The following LPP variants were observed in gnomAD, a reference collection of about 807,000 sequenced individuals.
The protein encoded by LPP is lipoma-preferred partner.
LPP carries 38 observed loss-of-function variants against 60.4 expected under a neutral mutation model. That is an observed-to-expected ratio of 0.63 (90% CI 0.49 to 0.83). The LOEUF (loss-of-function observed/expected upper bound fraction) is 0.83. Among genes scored for constraint, LPP ranks in the 40% least tolerant of loss-of-function variants. The pLI is 0.00. For missense variants in LPP, 902 were observed against 783.6 expected (o/e 1.15, Z -1.80); for synonymous variants, 328 against 290.8 (o/e 1.13, Z -1.30).
intron 1 of LPP, among the ~76,000 whole-genome samples, chr3:188,197,454 A>T (rs1729861100): frequency 6.6e-6 from 1 of 152,062 alleles, no homozygotes; most frequent in Non-Finnish European, 1.5e-5. Context: ...GCAGGCAGGC[A>T]CTCCGATCCT....
chr3:188,778,389 A>G (rs1389267047), intron 9 of LPP, among the ~76,000 whole-genome samples: 1 of 152,152 alleles, frequency 6.6e-6, no homozygotes, highest in African/African-American at 2.4e-5. Flanking sequence ...TTGTGAACTA[A>G]TTTTACTTCT....
chr3:188,708,115 A>G, intron 7 of LPP, 152 bp from the exon 8 acceptor site: 1 of 741,778 alleles, frequency 1.3e-6, no homozygotes, highest in East Asian at 2.6e-5. Context: ...TAGCCACTGA[A>G]TAAGTGATAA....
chr3:188,599,751 G>GGGGTGTGTGTGTGTGTGTGTGTGTGT (rs374294307), intron 6 of LPP, among the ~76,000 whole-genome samples: 1 of 139,828 alleles, frequency 7.2e-6, no homozygotes, highest in African/African-American at 2.7e-5. Flanking sequence ...ACTCGTTAGG[G>GGGGTGTGTGTGTGTGTGTGTGTGTGT]GTGTGTGTGT....
intron 4 of LPP, among the ~76,000 whole-genome samples, chr3:188,470,309 C>T (rs919884912): frequency 2.7e-5 from 4 of 148,286 alleles, no homozygotes; most frequent in African/African-American, 1.0e-4. Flanking sequence ...CACACACACA[C>T]ACACACACAC....
At chr3:188,757,871 T>TG (rs1730783100) in intron 8 of LPP, among the ~76,000 whole-genome samples, 1 of 140,554 alleles carries the variant, frequency 7.1e-6, no homozygotes, top group Non-Finnish European at 1.5e-5. Context: ...ACATTTTTTT[T>TG]GTGGTTTTGT....
At chr3:188,769,460 GTGGAT>G (rs1281575271) in intron 9 of LPP, among the ~76,000 whole-genome samples, 1 of 152,192 alleles carries the variant, frequency 6.6e-6, no homozygotes, top group Non-Finnish European at 1.5e-5. Flanking sequence ...AGACCTGTAA[GTGGAT>G]TGCCCAGAAC....
intron 6 of LPP, among the ~76,000 whole-genome samples, chr3:188,540,252 T>C (rs1415225050): frequency 6.6e-6 from 1 of 152,334 alleles, no homozygotes; most frequent in African/African-American, 2.4e-5. Flanking sequence ...ATCTTTGAGT[T>C]GGTATTATTT....
chr3:188,590,575 A>G (rs936159013), intron 6 of LPP, among the ~76,000 whole-genome samples: 2 of 151,598 alleles, frequency 1.3e-5, no homozygotes, highest in African/African-American at 4.9e-5. Context: ...CTGTGTTTAA[A>G]AAAATAAAAA....
At chr3:188,621,875 G>A (rs1845870530) in intron 7 of LPP, among the ~76,000 whole-genome samples, 1 of 152,056 alleles carries the variant, frequency 6.6e-6, no homozygotes. Context: ...AGCCAGGCTG[G>A]TCTCAAACTC....
intron 2 of LPP, among the ~76,000 whole-genome samples, chr3:188,309,022 C>CTTTTTTTTT (rs777945680): frequency 3.3e-5 from 4 of 119,718 alleles, no homozygotes; most frequent in Non-Finnish European, 6.7e-5. Context: ...TCTTCTTCTT[C>CTTTTTTTTT]TTTTTTTTTT....
intron 3 of LPP, among the ~76,000 whole-genome samples, chr3:188,379,504 A>G (rs1057166381): frequency 6.6e-6 from 1 of 152,194 alleles, no homozygotes; most frequent in Non-Finnish European, 1.5e-5. Flanking sequence ...GTCCCTCACC[A>G]AAAAACAAAC....
Position 188,594,286 on chromosome 3 carries a change from A to C in LPP, c.430-14875A>C, listed in dbSNP as rs557729230. 2.6e-5 allele frequency among the ~76,000 whole-genome samples: 4 copies of C among 152,344 alleles called. No homozygotes were observed. In the South Asian group the frequency reaches 8.3e-4, roughly 32 times the overall value. ...ATCTTGAAGGGGAAGGAACTGAGTCACACAGACAAGAATGTGCCTAAAGCA... is the reference window on the plus strand; with the variant it reads ...ATCTTGAAGGGGAAGGAACTGAGTCCCACAGACAAGAATGTGCCTAAAGCA... On this transcript the variant is annotated intron_variant, in intron 6 of 11. Coordinates refer to ENST00000617246, the MANE Select transcript of LPP (RefSeq NM_001375462.1).
At chr3:188,269,644 TATGTGTG>T (rs1736933398) in intron 2 of LPP, among the ~76,000 whole-genome samples, 1 of 31,358 alleles carries the variant, frequency 3.2e-5, no homozygotes, top group South Asian at 9.0e-4. Flanking sequence ...CCTTTTTTTT[TATGTGTG>T]TGTGTGTGTG....
At chr3:188,488,021 T>C (rs1162678566) in intron 5 of LPP, among the ~76,000 whole-genome samples, 1 of 21,966 alleles carries the variant, frequency 4.6e-5, no homozygotes, top group Non-Finnish European at 7.8e-5. Flanking sequence ...ATTAATTTCC[T>C]TTTTTTTTTT....
At chr3:188,681,548 T>C (rs1859522221) in intron 7 of LPP, among the ~76,000 whole-genome samples, 1 of 152,186 alleles carries the variant, frequency 6.6e-6, no homozygotes, top group South Asian at 2.1e-4. Flanking sequence ...GCCATCTGTA[T>C]GCTTCCTGCG....
At chr3:188,694,697 C>CAAAAAAA (rs1346492955) in intron 7 of LPP, among the ~76,000 whole-genome samples, 1 of 112,592 alleles carries the variant, frequency 8.9e-6, no homozygotes, top group Non-Finnish European at 2.0e-5. Context: ...AACTCCATCT[C>CAAAAAAA]AAAAAAAAAA....
rs1377529813 is a variant in LPP at position 188,890,619 on chromosome 3, G to T, written c.*16140G>T. 5.8e-6 allele frequency: 1 copy of T among 172,478 alleles called. No individual in the cohort carries two copies. Among genetic ancestry groups the T allele is most frequent in the Non-Finnish European group, 1.3e-5 (1 of 79,728 alleles). 10.7% of individuals were successfully genotyped at this position (172,478 alleles called of 1,614,324 possible). A position where few individuals can be genotyped will look rare whatever the true frequency, so the allele number is the denominator to read the frequency against. ...TTATATTTCTTTTTTCTGTAAAAGA[G>T]TTGCAACTACTTTATTATATTTAGA... On this transcript the variant is annotated 3_prime_UTR_variant, in exon 12 of 12. Coordinates refer to ENST00000617246, the MANE Select transcript of LPP (RefSeq NM_001375462.1).
chr3:188,183,040 A>C (rs576854157), intron 1 of LPP, among the ~76,000 whole-genome samples: 1 of 152,228 alleles, frequency 6.6e-6, no homozygotes, highest in Non-Finnish European at 1.5e-5. Flanking sequence ...AGGTCACATA[A>C]ATTTAATAGC....
intron 6 of LPP, among the ~76,000 whole-genome samples, chr3:188,586,051 G>A (rs1188861680): frequency 1.3e-5 from 2 of 152,204 alleles, no homozygotes; most frequent in Non-Finnish European, 2.9e-5. Flanking sequence ...AGTACAACAA[G>A]TTAAATTGCT....
Sources: gnomAD v4.1 joint callset for allele counts (sites outside exome capture counted in the v4.1 genomes callset) on GRCh38, gnomAD v4.1.1 for gene constraint, MANE v1.5 for transcripts, NCBI Gene and HGNC (gene_info 2026-07-23, HGNC 2026-07-21) for gene names.